C12orf42: variants seen among roughly 807,000 people sequenced by gnomAD.
C12orf42 encodes uncharacterized protein C12orf42.
Under a neutral mutation model 21.6 loss-of-function variants are expected in C12orf42, and 25 were observed. The ratio of observed to expected loss-of-function variants is 1.16; its 90% CI spans 0.84 to 1.62. C12orf42 has a LOEUF of 1.62. Ranked by LOEUF, C12orf42 falls within the 40% of genes most tolerant of loss-of-function variation. The pLI, the probability that C12orf42 is intolerant of heterozygous loss-of-function variation, is 0.00. For missense variants in C12orf42, 483 were observed against 459.3 expected (o/e 1.05, Z -0.47); for synonymous variants, 174 against 175.0 (o/e 0.99, Z 0.05).
the C12orf42 span, among the ~76,000 whole-genome samples, chr12:103,532,357 T>A: frequency 6.6e-6 from 1 of 152,224 alleles, no homozygotes; most frequent in Non-Finnish European, 1.5e-5. Context: ...CAAAACTGTG[T>A]ATGGTATGAT....
intron 5 of C12orf42, among the ~76,000 whole-genome samples, chr12:103,303,094 G>A (rs1453215054): frequency 6.6e-6 from 1 of 152,106 alleles, no homozygotes; most frequent in Non-Finnish European, 1.5e-5. Context: ...AAAACAAACA[G>A]TAAATTAACC....
the C12orf42 span, among the ~76,000 whole-genome samples, chr12:103,091,849 A>T: frequency 2.0e-5 from 3 of 152,182 alleles, no homozygotes; most frequent in Non-Finnish European, 4.4e-5. Context: ...ACAAGACCAA[A>T]TCTTGTCCTC....
At chr12:103,363,634 G>C (rs2044318497) in intron 4 of C12orf42, among the ~76,000 whole-genome samples, 1 of 151,888 alleles carries the variant, frequency 6.6e-6, no homozygotes, top group South Asian at 2.1e-4. Flanking sequence ...ACAAACTTAA[G>C]GTAAAGGGGT....
chr12:103,087,612 C>A, the C12orf42 span, among the ~76,000 whole-genome samples: 1 of 152,194 alleles, frequency 6.6e-6, no homozygotes, highest in Non-Finnish European at 1.5e-5. Flanking sequence ...ACTTACTGAG[C>A]ACTTATATGG....
chr12:103,507,233 A>ATAT, the C12orf42 span, among the ~76,000 whole-genome samples: 3 of 56,186 alleles, frequency 5.3e-5, no homozygotes, highest in African/African-American at 3.0e-4. Context: ...ATATAAATAT[A>ATAT]TATATATTAT....
intron 4 of C12orf42, among the ~76,000 whole-genome samples, chr12:103,296,915 T>C (rs2037330662): frequency 6.6e-6 from 1 of 152,244 alleles, no homozygotes; most frequent in Non-Finnish European, 1.5e-5. Context: ...TTTGGTGTTT[T>C]AGACATGAAG....
At chr12:103,529,857 T>G in the C12orf42 span, among the ~76,000 whole-genome samples, 50 of 152,254 alleles carry the variant, frequency 3.3e-4, no homozygotes, top group Non-Finnish European at 6.5e-4. Flanking sequence ...CCAAAGAGAT[T>G]TCCAAAATTT....
chr12:103,115,946 T>C, the C12orf42 span, among the ~76,000 whole-genome samples: 1 of 152,176 alleles, frequency 6.6e-6, no homozygotes, highest in Non-Finnish European at 1.5e-5. Context: ...CAAAGAACAT[T>C]TGTGAAACAA....
intron 10 of C12orf42, among the ~76,000 whole-genome samples, chr12:103,250,322 T>C (rs904616658): frequency 6.6e-6 from 1 of 152,006 alleles, no homozygotes; most frequent in Non-Finnish European, 1.5e-5. Context: ...TCCTTTCCTA[T>C]GTTGTGGTTG....
chr12:103,222,955 C>G, the C12orf42 span, among the ~76,000 whole-genome samples: 1 of 151,558 alleles, frequency 6.6e-6, no homozygotes, highest in Non-Finnish European at 1.5e-5. Context: ...CAGTCTCTTC[C>G]TCTTCACTGG....
intron 4 of C12orf42, among the ~76,000 whole-genome samples, chr12:103,310,595 G>A (rs568839255): frequency 3.9e-5 from 6 of 152,258 alleles, no homozygotes; most frequent in South Asian, 2.1e-4. Context: ...TAAAGGCCAC[G>A]CTATCAATTA....
intron 2 of C12orf42, among the ~76,000 whole-genome samples, chr12:103,440,454 T>G (rs1390421655): frequency 4.8e-5 from 1 of 20,780 alleles, no homozygotes; most frequent in Non-Finnish European, 1.0e-4. Context: ...GCCTCACAGA[T>G]ACCAAAAAAA....
intron 2 of C12orf42, among the ~76,000 whole-genome samples, chr12:103,438,052 T>C (rs1302358958): frequency 6.6e-6 from 1 of 150,426 alleles, no homozygotes. Context: ...AAAAAGCTTA[T>C]CCACCAAGAT....
the C12orf42 span, among the ~76,000 whole-genome samples, chr12:103,525,367 T>A: frequency 3.5e-5 from 5 of 143,234 alleles, no homozygotes; most frequent in Non-Finnish European, 6.4e-5. Context: ...GAGTGACAAA[T>A]GCATTGTGAC....
At chr12:103,083,288 C>T in the C12orf42 span, among the ~76,000 whole-genome samples, 4 of 152,048 alleles carry the variant, frequency 2.6e-5, no homozygotes, top group South Asian at 4.2e-4. Flanking sequence ...AGCTTGAACC[C>T]GGGAGGCAGA....
At chr12:103,512,980 C>T in the C12orf42 span, among the ~76,000 whole-genome samples, 19 of 149,120 alleles carry the variant, frequency 1.3e-4, no homozygotes, top group African/African-American at 3.0e-4. Context: ...CCAGCCTGGG[C>T]GACAGAGTGA....
chr12:103,427,827 A>T (rs955357044), intron 2 of C12orf42, among the ~76,000 whole-genome samples: 1 of 152,230 alleles, frequency 6.6e-6, no homozygotes, highest in African/African-American at 2.4e-5. Flanking sequence ...AACTCACTCA[A>T]AACCACACAA....
At chr12:103,217,658 C>A in the C12orf42 span, among the ~76,000 whole-genome samples, 2 of 152,284 alleles carry the variant, frequency 1.3e-5, no homozygotes, top group African/African-American at 4.8e-5. Context: ...TACTTTCCTA[C>A]TCAAAACCTT....
intron 4 of C12orf42, among the ~76,000 whole-genome samples, chr12:103,289,682 T>C (rs1038943430): frequency 1.3e-5 from 2 of 152,182 alleles, no homozygotes; most frequent in Non-Finnish European, 2.9e-5. Context: ...CGTTTGTTGA[T>C]ATTGCAAAGA....
Sources: allele counts gnomAD v4.1 joint callset (sites outside exome capture counted in the v4.1 genomes callset), GRCh38; gene constraint gnomAD v4.1.1; transcripts MANE v1.5; gene names NCBI Gene and HGNC (gene_info 2026-07-23, HGNC 2026-07-21).